Variants in BSPH1 observed in about 807,000 individuals in gnomAD.
BSPH1 encodes binder of sperm 1.
In BSPH1, 21 loss-of-function variants were observed where a neutral mutation model predicts 22.5. That is an observed-to-expected ratio of 0.93 (90% confidence interval 0.66 to 1.35). BSPH1 has a LOEUF of 1.35. Ranked by LOEUF, BSPH1 falls within the 40% of genes most tolerant of loss-of-function variation. BSPH1 has a pLI of 0.00. For synonymous variants in BSPH1, 42 were observed against 53.6 expected, an observed-to-expected ratio of 0.78 and a Z score of 0.95; for missense variants, 141 against 154.2, an observed-to-expected ratio of 0.91 and a Z score of 0.45.
At chr19:47,971,259 A>G (rs1485360317) in intron 5 of BSPH1, among the ~76,000 whole-genome samples, 1 of 152,146 alleles carries the variant, frequency 6.6e-6, no homozygotes, top group Non-Finnish European at 1.5e-5. Context: ...GCTGGAGTGC[A>G]GTGGCATGAT....
intron 5 of BSPH1, among the ~76,000 whole-genome samples, chr19:47,974,599 C>T (rs966074569): frequency 1.3e-5 from 2 of 151,754 alleles, no homozygotes; most frequent in Admixed American, 6.6e-5. Flanking sequence ...CCTCTCTCCT[C>T]CCTCCTTTCC....
rs935237131 is a variant in BSPH1, at chr19:47,979,609, A to G, written c.95-10T>C. On this transcript the variant is annotated splice_polypyrimidine_tract_variant and intron_variant, in intron 2 of 5. Coordinates refer to ENST00000344839, the MANE Select transcript of BSPH1 (RefSeq NM_001128326.2). ...AAATGAGTTATAGTTTCTGAAAAATAAAATTTAGAGCTGACATTTATTTCA... is the reference window on the plus strand; with the variant it reads ...AAATGAGTTATAGTTTCTGAAAAATGAAATTTAGAGCTGACATTTATTTCA... 98 of 1,304,484 alleles carry G rather than the reference A, an allele frequency of 7.5e-5. No individual in the cohort carries two copies. Among genetic ancestry groups the G allele is most frequent in the Non-Finnish European group, 9.8e-5 (94 of 958,202 alleles). The allele number at this position is 1,304,484 out of a possible 1,614,324, so 80.8% of individuals were successfully genotyped here. A position where few individuals can be genotyped will look rare whatever the true frequency, so the allele number is the denominator to read the frequency against.
intron 5 of BSPH1, among the ~76,000 whole-genome samples, chr19:47,969,751 A>T (rs1437488171): frequency 7.1e-6 from 1 of 140,956 alleles, no homozygotes; most frequent in Non-Finnish European, 1.5e-5. Context: ...TGTGTGTGTG[A>T]GAGAGAGAGA....
At chr19:47,989,110 TTTATTA>T (rs199985003) in intron 1 of BSPH1, among the ~76,000 whole-genome samples, 20,821 of 138,072 alleles carry the variant, frequency 0.15, 1,855 homozygotes, top group African/African-American at 0.21. Flanking sequence ...AAGTCACCGT[TTTATTA>T]TTATTATTAT....
intron 1 of BSPH1, among the ~76,000 whole-genome samples, chr19:47,986,464 C>A (rs953346484): frequency 1.3e-5 from 2 of 152,104 alleles, no homozygotes; most frequent in African/African-American, 2.4e-5. Flanking sequence ...ACTGGTCAGG[C>A]ATGGTGATTT....
chr19:47,983,329 T>C (rs1969436561), intron 1 of BSPH1, among the ~76,000 whole-genome samples: 1 of 152,164 alleles, frequency 6.6e-6, no homozygotes, highest in South Asian at 2.1e-4. Flanking sequence ...AATATGGGGA[T>C]TATAATTGTT....
intron 1 of BSPH1, chr19:47,981,672 A>C (rs1969421507): frequency 2.7e-6 from 2 of 739,436 alleles, no homozygotes; most frequent in South Asian, 1.2e-4. Flanking sequence ...CCCTCAGTTT[A>C]CTCTGCTGTA....
intron 4 of BSPH1, 116 bp from the exon 5 acceptor site, chr19:47,976,970 A>G: frequency 3.1e-6 from 3 of 980,990 alleles, no homozygotes; most frequent in Non-Finnish European, 4.5e-6. Context: ...CACGTGAACA[A>G]ATGTGCACAC....
chr19:47,973,026 G>C (rs1029035063), intron 5 of BSPH1, among the ~76,000 whole-genome samples: 2 of 151,762 alleles, frequency 1.3e-5, no homozygotes, highest in Non-Finnish European at 2.9e-5. Flanking sequence ...GACCATCCTG[G>C]CTAACACGGT....
At chr19:47,978,397 T>C (rs1369846864) in intron 3 of BSPH1, among the ~76,000 whole-genome samples, 1 of 152,094 alleles carries the variant, frequency 6.6e-6, no homozygotes, top group Non-Finnish European at 1.5e-5. Flanking sequence ...AGCCACTGAG[T>C]CCGGCCTTAA....
chr19:47,979,815 C>T (rs1011854507), intron 2 of BSPH1, among the ~76,000 whole-genome samples: 1 of 151,868 alleles, frequency 6.6e-6, no homozygotes, highest in African/African-American at 2.4e-5. Flanking sequence ...TATATAAATC[C>T]TACACATTTC....
chr19:47,979,255 G>A (rs1159328722), intron 3 of BSPH1, among the ~76,000 whole-genome samples: 1 of 151,616 alleles, frequency 6.6e-6, no homozygotes, highest in African/African-American at 2.4e-5. Flanking sequence ...TATCTGATGA[G>A]ACAAAATATT....
At chr19:47,968,865 G>T (rs1490508456) in intron 5 of BSPH1, among the ~76,000 whole-genome samples, 1 of 151,630 alleles carries the variant, frequency 6.6e-6, no homozygotes, top group East Asian at 1.9e-4. Context: ...TGGGCATGGT[G>T]GCGTGCACCT....
intron 1 of BSPH1, among the ~76,000 whole-genome samples, chr19:47,983,643 G>A (rs190097933): frequency 4.6e-5 from 7 of 152,174 alleles, no homozygotes; most frequent in African/African-American, 1.4e-4. Flanking sequence ...CATCCACCTG[G>A]TGGATCATTT....
chr19:47,989,035 C>T (rs1303093736), intron 1 of BSPH1, among the ~76,000 whole-genome samples: 1 of 151,916 alleles, frequency 6.6e-6, no homozygotes, highest in Non-Finnish European at 1.5e-5. Context: ...GTGCATATCA[C>T]ATGCTCATGA....
chr19:47,969,684 GGAGAGAGAGAGAGAGAGAGAGA>G (rs10589898), intron 5 of BSPH1, among the ~76,000 whole-genome samples: 1 of 113,858 alleles, frequency 8.8e-6, no homozygotes, highest in Admixed American at 9.1e-5. Flanking sequence ...AGGGAGAGGG[GGAGAGAGAGAGAGAGAGAGAGA>G]GAGAGAGAGA....
chr19:47,990,924 T>A (rs1333361588), intron 1 of BSPH1, among the ~76,000 whole-genome samples: 1 of 152,228 alleles, frequency 6.6e-6, no homozygotes, highest in Non-Finnish European at 1.5e-5. Context: ...GGTTTTCAAG[T>A]AACATGTCAC....
At chr19:47,978,779 C>A (rs60663622) in intron 3 of BSPH1, among the ~76,000 whole-genome samples, 9 of 152,160 alleles carry the variant, frequency 5.9e-5, no homozygotes, top group African/African-American at 2.2e-4. Flanking sequence ...TTAGGCCATA[C>A]ATATATTTTC....
chr19:47,977,393 C>G lies in BSPH1; in HGVS notation c.236G>C (p.Trp79Ser). The change falls in exon 4 of 6, where the codon TGG becomes TCG. Residue 79 changes from tryptophan to serine, a missense_variant. Physicochemically the swap from Trp to Ser is radical, Grantham distance 177. Transcript: ENST00000344839. ...CTCACCTTCTGCACTGCAAAACTTC[C>G]AGTATCCTTCGTAGGTCTTGTTTAA... Reference protein sequence around the residue: ...CSLNKTYEGYWKFCSAEDFAN... With the variant: ...CSLNKTYEGYSKFCSAEDFAN... The G allele has an allele frequency of 6.4e-7, 1 of 1,552,202 alleles. No individual in the cohort carries two copies. The highest frequency in any genetic ancestry group is 1.7e-4 in the Middle Eastern group (1 of 5,998).
Sources: gnomAD v4.1 joint callset for allele counts (sites outside exome capture counted in the v4.1 genomes callset) on GRCh38, gnomAD v4.1.1 for gene constraint, MANE v1.5 for transcripts, NCBI Gene and HGNC (gene_info 2026-07-23, HGNC 2026-07-21) for gene names.